CAPS2: variants seen among roughly 807,000 people sequenced by gnomAD.
CAPS2 encodes the protein calcyphosine 2.
A neutral mutation model predicts 86.5 loss-of-function variants in CAPS2; 98 were observed. The observed-to-expected ratio is 1.13, with a 90% CI of 0.96 to 1.34. CAPS2 has a LOEUF of 1.34. CAPS2 is among the 40% of genes most tolerant of loss of function. CAPS2 has a pLI of 0.00. For missense variants in CAPS2, 729 were observed against 686.8 expected (o/e 1.06, Z -0.69); for synonymous variants, 210 against 225.1 (o/e 0.93, Z 0.60).
At chr12:75,293,695 C>G (rs1228279801) in intron 11 of CAPS2, among the ~76,000 whole-genome samples, 2 of 152,054 alleles carry the variant, frequency 1.3e-5, no homozygotes, top group African/African-American at 4.8e-5. Context: ...AGCTAATGGC[C>G]TACAGAATGA....
At chr12:75,326,382 A>ATCCTGTAGT in intron 1 of CAPS2, 36 bp downstream of exon 2, 2 of 803,766 alleles carry the variant, frequency 2.5e-6, no homozygotes, top group Non-Finnish European at 4.0e-6. Flanking sequence ...TTTATAAGTC[A>ATCCTGTAGT]TCCTGAAAGA....
chr12:75,311,997 G>A (rs1008986613), intron 7 of CAPS2, among the ~76,000 whole-genome samples: 4 of 152,100 alleles, frequency 2.6e-5, no homozygotes, highest in Non-Finnish European at 5.9e-5. Context: ...CATTATTTCT[G>A]TCATGCATTC....
At chr12:75,325,261 T>C in exon 2 of CAPS2, 1 of 1,549,584 alleles carries the variant, frequency 6.5e-7, no homozygotes, top group Non-Finnish European at 8.7e-7. Flanking sequence ...GAATTCTGGT[T>C]TGTCCATGAC....
intron 1 of CAPS2, among the ~76,000 whole-genome samples, chr12:75,361,587 T>C (rs1035837316): frequency 2.6e-5 from 4 of 152,160 alleles, no homozygotes; most frequent in African/African-American, 7.2e-5. Flanking sequence ...TGTAATTGAC[T>C]CATGGTTCCA....
intron 15 of CAPS2, among the ~76,000 whole-genome samples, chr12:75,284,407 C>T (rs776914184): frequency 6.6e-6 from 1 of 152,082 alleles, no homozygotes; most frequent in Non-Finnish European, 1.5e-5. Flanking sequence ...TAATACATAG[C>T]TTCCTATTAA....
intron 6 of CAPS2, among the ~76,000 whole-genome samples, chr12:75,315,092 T>G (rs2039619418): frequency 6.6e-6 from 1 of 152,164 alleles, no homozygotes; most frequent in Non-Finnish European, 1.5e-5. Flanking sequence ...AAACGTTTCC[T>G]TAGGGGAAGG....
Position 75,344,048 on chromosome 12 carries a change from T to A in CAPS2, c.-394-20826A>T. On this transcript the variant is annotated intron_variant, in intron 1 of 5. Transcript: ENST00000551829. Reference sequence around the variant, plus strand: ...TTTATTTTTCTGGCTGCCTTTACATTTTTTCCTTTATCATAGGTCTTGAGC... The same window carrying A: ...TTTATTTTTCTGGCTGCCTTTACATATTTTCCTTTATCATAGGTCTTGAGC... 4 of 883,404 alleles carry A rather than the reference T, an allele frequency of 4.5e-6. No homozygotes were observed. In the South Asian group the frequency reaches 7.3e-5, roughly 16 times the overall value. 54.7% of individuals were successfully genotyped at this position (883,404 alleles called of 1,614,324 possible).
chr12:75,329,189 G>A (rs1330268507), upstream of CAPS2, among the ~76,000 whole-genome samples: 1 of 152,180 alleles, frequency 6.6e-6, no homozygotes, highest in Non-Finnish European at 1.5e-5. Flanking sequence ...ATGAGCTGTA[G>A]GGACTAAAAA....
chr12:75,388,946 G>C (rs769546482), intron 1 of CAPS2, among the ~76,000 whole-genome samples: 1 of 151,952 alleles, frequency 6.6e-6, no homozygotes, highest in Non-Finnish European at 1.5e-5. Context: ...ACCTAAAACT[G>C]CTATTAAAAA....
intron 15 of CAPS2, among the ~76,000 whole-genome samples, chr12:75,282,597 G>A (rs1365236802): frequency 2.6e-5 from 4 of 152,108 alleles, no homozygotes; most frequent in Non-Finnish European, 5.9e-5. Flanking sequence ...ATGTTGGTCA[G>A]GCTGATCTCA....
chr12:75,294,075 G>T (rs2036474566), intron 11 of CAPS2, among the ~76,000 whole-genome samples: 1 of 152,008 alleles, frequency 6.6e-6, no homozygotes, highest in African/African-American at 2.4e-5. Flanking sequence ...TGAGTTACAG[G>T]TGCCCACCAC....
chr12:75,335,927 A>G (rs553143228), intron 1 of CAPS2, among the ~76,000 whole-genome samples: 167 of 152,124 alleles, frequency 1.1e-3, no homozygotes, highest in African/African-American at 3.6e-3. Flanking sequence ...ATGTATGATA[A>G]AAAAGAGTAA....
At chr12:75,290,863 G>T (rs2035711490) in intron 13 of CAPS2, among the ~76,000 whole-genome samples, 3 of 151,454 alleles carry the variant, frequency 2.0e-5, no homozygotes, top group African/African-American at 7.3e-5. Flanking sequence ...ATCTGAGGCT[G>T]CAGTGAGCTG....
intron 7 of CAPS2, among the ~76,000 whole-genome samples, chr12:75,308,657 CAGGAAAAT>C (rs1308004286): frequency 1.3e-5 from 2 of 151,730 alleles, no homozygotes; most frequent in African/African-American, 4.8e-5. Flanking sequence ...CCTTATGAGG[CAGGAAAAT>C]AGGGGAAATG....
At chr12:75,285,725 G>T (rs988363709) in intron 14 of CAPS2, among the ~76,000 whole-genome samples, 57 of 151,952 alleles carry the variant, frequency 3.8e-4, no homozygotes, top group African/African-American at 1.3e-3. Flanking sequence ...GTCTGTGTAT[G>T]TGTGGTTACC....
At chr12:75,316,786 A>C (rs945902246) in intron 5 of CAPS2, among the ~76,000 whole-genome samples, 9 of 152,186 alleles carry the variant, frequency 5.9e-5, no homozygotes, top group African/African-American at 1.9e-4. Flanking sequence ...ATTATTGTCC[A>C]ATTTGAATCT....
chr12:75,370,332 G>T (rs2044280167), intron 1 of CAPS2: 1 of 529,916 alleles, frequency 1.9e-6, no homozygotes, highest in Non-Finnish European at 3.4e-6. Context: ...AAAATGTACT[G>T]TAGTATGGAA....
intron 8 of CAPS2, among the ~76,000 whole-genome samples, chr12:75,302,119 C>A (rs1279800352): frequency 6.6e-6 from 1 of 152,174 alleles, no homozygotes; most frequent in Non-Finnish European, 1.5e-5. Context: ...CTGTACTACT[C>A]ACGCCAATTC....
intron 1 of CAPS2, among the ~76,000 whole-genome samples, chr12:75,355,970 G>C (rs1036114435): frequency 2.0e-5 from 3 of 152,124 alleles, no homozygotes; most frequent in Non-Finnish European, 4.4e-5. Flanking sequence ...ACACACTGGG[G>C]CCTGTTGGGG....
Sources: gnomAD v4.1 joint callset for allele counts (sites outside exome capture counted in the v4.1 genomes callset) on GRCh38, gnomAD v4.1.1 for gene constraint, MANE v1.5 for transcripts, NCBI Gene and HGNC (gene_info 2026-07-23, HGNC 2026-07-21) for gene names.